The following NCKIPSD variants were observed in gnomAD, a reference collection of about 807,000 sequenced individuals.
The protein encoded by NCKIPSD is NCK interacting protein with SH3 domain, also known as NCK-interacting protein with SH3 domain.
NCKIPSD carries 48 observed loss-of-function variants against 73.4 expected under a neutral mutation model. That is an observed-to-expected ratio of 0.65 (90% CI 0.52 to 0.83). NCKIPSD has a LOEUF of 0.83. NCKIPSD is among the 40% of genes least tolerant of loss of function. The pLI, the probability that NCKIPSD is intolerant of heterozygous loss-of-function variation, is 0.00. For missense variants in NCKIPSD, 884 were observed against 970.2 expected, an observed-to-expected ratio of 0.91 and a Z score of 1.18; for synonymous variants, 422 against 403.6, an observed-to-expected ratio of 1.05 and a Z score of -0.54.
chr3:48,677,812 C>T lies in NCKIPSD; in HGVS notation c.1965+752G>A, dbSNP rs113660021. On this transcript the variant is annotated intron_variant, in intron 12 of 12. Coordinates refer to ENST00000294129, the MANE Select transcript of NCKIPSD (RefSeq NM_016453.4). ...GGCTGCAGCCCGAACTTCCCGCTGACCTGCCTATCTATCTCATTTCTGAGG... is the reference window on the plus strand; with the variant it reads ...GGCTGCAGCCCGAACTTCCCGCTGATCTGCCTATCTATCTCATTTCTGAGG... Among the ~76,000 whole-genome samples the T allele has an allele frequency of 5.4e-3, 824 of 152,344 alleles. 6 individuals are homozygous for T. The highest frequency in any genetic ancestry group is 0.012 in the South Asian group (58 of 4,826).
At chr3:48,674,935 G>C (rs928874477) in intron 12 of NCKIPSD, among the ~76,000 whole-genome samples, 188 bp from the exon 13 acceptor site, 1 of 152,088 alleles carries the variant, frequency 6.6e-6, no homozygotes, top group African/African-American at 2.4e-5. Context: ...GCGAATAAAC[G>C]AATCATCCCA....
At position 48,682,044 on chromosome 3, in the gene NCKIPSD, C is replaced by A; in HGVS notation, c.598+1G>T. On this transcript the variant is annotated splice_donor_variant, in intron 4 of 12. Coordinates refer to ENST00000294129, the MANE Select transcript of NCKIPSD (RefSeq NM_016453.4). LOFTEE classifies it high-confidence loss of function. Reference sequence around the variant, plus strand: ...GAATTCCCCTAACCCTGCCTTCTTACCACTCCCAGAGGCCATCAGGGCCTC... The same window carrying A: ...GAATTCCCCTAACCCTGCCTTCTTAACACTCCCAGAGGCCATCAGGGCCTC... 1 of 1,600,444 alleles carries A rather than the reference C, an allele frequency of 6.2e-7. No homozygotes were observed. Among genetic ancestry groups the A allele is most frequent in the Non-Finnish European group, 8.5e-7 (1 of 1,179,664 alleles).
intron 5 of NCKIPSD, 84 bp downstream of exon 5, chr3:48,681,203 C>T (rs548400528): frequency 6.7e-7 from 1 of 1,488,388 alleles, no homozygotes; most frequent in Non-Finnish European, 8.9e-7. Flanking sequence ...TTGAGAAATA[C>T]CTGTAATGTA....
In NCKIPSD at chr3:48,674,376, A is replaced by G. The variant is rs1252446710; in HGVS notation, c.*168T>C. 4.1e-6 allele frequency: 6 copies of G among 1,449,368 alleles called. No homozygotes were observed. Among genetic ancestry groups the G allele is most frequent in the Non-Finnish European group, 5.4e-6 (6 of 1,103,272 alleles). 89.8% of individuals were successfully genotyped at this position (1,449,368 alleles called of 1,614,324 possible). A position where few individuals can be genotyped will look rare whatever the true frequency, so the allele number is the denominator to read the frequency against. Reference sequence around the variant, plus strand: ...AACAGCTCCCAGACCATGGTCCCCAATCCTACACTTGGCCCCTCTCTTAAG... The same window carrying G: ...AACAGCTCCCAGACCATGGTCCCCAGTCCTACACTTGGCCCCTCTCTTAAG... On this transcript the variant is annotated 3_prime_UTR_variant, in exon 13 of 13. Coordinates refer to ENST00000294129, the MANE Select transcript of NCKIPSD (RefSeq NM_016453.4).
At chr3:48,683,445 A>G (rs541237761) in intron 1 of NCKIPSD, among the ~76,000 whole-genome samples, 1 of 152,286 alleles carries the variant, frequency 6.6e-6, no homozygotes, top group Non-Finnish European at 1.5e-5. Context: ...ATCACTCTGC[A>G]TCTTGCTGAT....
At chr3:48,677,015 G>GCA (rs2077266076) in intron 12 of NCKIPSD, among the ~76,000 whole-genome samples, 1 of 149,066 alleles carries the variant, frequency 6.7e-6, no homozygotes, top group Non-Finnish European at 1.5e-5. Context: ...GACCTCAAGT[G>GCA]ATCCACCCAC....
At chr3:48,675,545 A>C (rs1410487559) in intron 12 of NCKIPSD, among the ~76,000 whole-genome samples, 2 of 140,390 alleles carry the variant, frequency 1.4e-5, no homozygotes, top group Non-Finnish European at 3.1e-5. Flanking sequence ...ATATATATAT[A>C]TCATTTTTTT....
rs893705494 is a variant in NCKIPSD, at chr3:48,678,656, G to A, written c.1873C>T (p.Pro625Ser). The change falls in exon 12 of 13, where the codon CCG (proline) becomes TCG (serine). Residue 625 changes from proline (P) to serine (S), a missense_variant. Coordinates refer to ENST00000294129, the MANE Select transcript of NCKIPSD (RefSeq NM_016453.4). ...LKFLQDVFGS[P>S]ATAAIFYHTD... is the part of the protein sequence containing the mutation. ...TGGTAGAAGATGGCAGCTGTGGCCG[G>A]GCTGCCAAACACGTCCTGCAGGAAC... 1.1e-5 allele frequency: 17 copies of A among 1,614,114 alleles called. No individual in the cohort carries two copies. In the African/African-American group the frequency reaches 2.1e-4, roughly 20 times the overall value.
At chr3:48,679,237 C>A (rs1575563784) in intron 9 of NCKIPSD, 54 bp from the exon 10 acceptor site, 2 of 1,610,532 alleles carry the variant, frequency 1.2e-6, no homozygotes, top group East Asian at 2.2e-5. Flanking sequence ...GACCCCCGCA[C>A]CACCCACCCT....
At chr3:48,684,578 T>C (rs1363406075) in intron 1 of NCKIPSD, among the ~76,000 whole-genome samples, 1 of 152,194 alleles carries the variant, frequency 6.6e-6, no homozygotes, top group Non-Finnish European at 1.5e-5. Flanking sequence ...TGTCCTGAAC[T>C]GGGCTGGGAC....
Position 48,674,579 on chromosome 3 carries a change from TGC to T in NCKIPSD, c.2132_2133del (p.Cys711Ter). On this transcript the variant is annotated frameshift_variant, in exon 13 of 13. Transcript: ENST00000294129. LOFTEE classifies it high-confidence loss of function. ...GCCTCCCCCAGCACCAGGAATTCCT[TGC>T]ACATCTCTCGGACAATCATGCGGTC... is the stretch of plus-strand genomic sequence containing the variant. The part of the protein sequence containing the change: ...QMDRMIVREM[C>X]KEFLVLGEAP... 1 of 1,605,060 alleles carries T rather than the reference TGC, an allele frequency of 6.2e-7. No individual in the cohort carries two copies. Among genetic ancestry groups the T allele is most frequent in the Non-Finnish European group, 8.5e-7 (1 of 1,175,388 alleles).
intron 1 of NCKIPSD, 49 bp from the exon 2 acceptor site, chr3:48,683,061 G>A: frequency 6.5e-7 from 1 of 1,544,064 alleles, no homozygotes; most frequent in Non-Finnish European, 8.7e-7. Context: ...AAACGGAGGT[G>A]CTCAGCCCAG....
At position 48,679,843 on chromosome 3, in the gene NCKIPSD, G is replaced by A. The variant is rs562394435; in HGVS notation, c.1308C>T (p.Asn436=). The A allele has an allele frequency of 6.4e-5, 103 of 1,614,190 alleles. No homozygotes were observed. Among genetic ancestry groups the A allele is most frequent in the South Asian group, 5.0e-4 (46 of 91,090 alleles). Residue 436 remains asparagine (N), a synonymous_variant, in exon 7 of 13, where the codon AAC becomes AAT. Transcript: ENST00000294129. ...CCAAGGCCAGGACAGACTCGAACTCGTTTCTCTTGCACATTTTCTTGCAAA... is the reference window on the plus strand; with the variant it reads ...CCAAGGCCAGGACAGACTCGAACTCATTTCTCTTGCACATTTTCTTGCAAA... The part of the protein sequence containing the change: ...PEVCKKMCKR[N]EFESVLALVA...
chr3:48,683,227 T>C (rs1373756600), intron 1 of NCKIPSD, among the ~76,000 whole-genome samples: 1 of 152,126 alleles, frequency 6.6e-6, no homozygotes, highest in Non-Finnish European at 1.5e-5. Context: ...TGCTGCCACA[T>C]TACATATTAG....
chr3:48,676,732 A>G (rs6768448), intron 12 of NCKIPSD, among the ~76,000 whole-genome samples: 30,634 of 151,836 alleles, frequency 0.2, 4,537 homozygotes, highest in African/African-American at 0.42. Flanking sequence ...GACTCAAGTG[A>G]TCCTCCCACT....
intron 12 of NCKIPSD, among the ~76,000 whole-genome samples, chr3:48,675,665 C>T (rs1190539163): frequency 1.3e-5 from 2 of 151,610 alleles, no homozygotes; most frequent in African/African-American, 2.4e-5. Flanking sequence ...CCTCAGCCTC[C>T]CAAATAGCTG....
intron 12 of NCKIPSD, 97 bp downstream of exon 12, chr3:48,678,467 G>A (rs1285045235): frequency 2.1e-6 from 3 of 1,423,480 alleles, no homozygotes; most frequent in East Asian, 5.0e-5. Flanking sequence ...CTCCAGCAGT[G>A]GCCTTGCCCC....
At chr3:48,684,869 C>T (rs746598381) in intron 1 of NCKIPSD, among the ~76,000 whole-genome samples, 8 of 152,114 alleles carry the variant, frequency 5.3e-5, no homozygotes, top group Non-Finnish European at 1.0e-4. Flanking sequence ...GGATGGAACC[C>T]ATTTTCAAAG....
At chr3:48,680,896 T>C (rs2106751271) in intron 5 of NCKIPSD, among the ~76,000 whole-genome samples, 1 of 152,206 alleles carries the variant, frequency 6.6e-6, no homozygotes, top group South Asian at 2.1e-4. Flanking sequence ...GGCACTACCC[T>C]CACCCACGCC....
Sources: allele counts gnomAD v4.1 joint callset (sites outside exome capture counted in the v4.1 genomes callset), GRCh38; gene constraint gnomAD v4.1.1; transcripts MANE v1.5; gene names NCBI Gene and HGNC (gene_info 2026-07-23, HGNC 2026-07-21).